MYO10: variants seen among roughly 807,000 people sequenced by gnomAD.
MYO10 encodes unconventional myosin-X.
In MYO10, 133 loss-of-function variants were observed where a neutral mutation model predicts 257.3. The ratio of observed to expected loss-of-function variants is 0.52; its 90% CI spans 0.45 to 0.60. The LOEUF (loss-of-function observed/expected upper bound fraction) is 0.60. Among genes scored for constraint, MYO10 ranks in the 20% least tolerant of loss-of-function variants. MYO10 has a pLI of 0.00. For missense variants in MYO10, 2,399 were observed against 2,635.7 expected (o/e 0.91, Z 1.97); for synonymous variants, 1,104 against 1,028.6 (o/e 1.07, Z -1.40).
At chr5:16,736,646 T>C (rs1739816441) in intron 19 of MYO10, among the ~76,000 whole-genome samples, 1 of 152,224 alleles carries the variant, frequency 6.6e-6, no homozygotes. Flanking sequence ...TAGTCCAATG[T>C]AAACTGACTA....
At chr5:16,724,499 T>TTCCTTTGGACTCTA (rs1739276596) in intron 19 of MYO10, among the ~76,000 whole-genome samples, 1 of 152,100 alleles carries the variant, frequency 6.6e-6, no homozygotes, top group Non-Finnish European at 1.5e-5. Context: ...GAAGCCAGCA[T>TTCCTTTGGACTCTA]AAGGTCCAAG....
chr5:16,750,989 C>CT (rs1369957171), intron 19 of MYO10, among the ~76,000 whole-genome samples: 1 of 152,116 alleles, frequency 6.6e-6, no homozygotes, highest in African/African-American at 2.4e-5. Flanking sequence ...GAGCAAAACT[C>CT]TGTCTCAAAC....
At chr5:16,930,141 A>G (rs1344844025) in intron 1 of MYO10, among the ~76,000 whole-genome samples, 5 of 152,236 alleles carry the variant, frequency 3.3e-5, no homozygotes, top group African/African-American at 9.6e-5. Context: ...TCTAGCTAAC[A>G]GCAGTAAATC....
chr5:16,871,086 C>T (rs187076789), intron 2 of MYO10, among the ~76,000 whole-genome samples: 1 of 152,274 alleles, frequency 6.6e-6, no homozygotes, highest in African/African-American at 2.4e-5. Context: ...GCATGAAGTA[C>T]AATTACAGTG....
intron 1 of MYO10, among the ~76,000 whole-genome samples, chr5:16,910,133 G>A (rs1479629672): frequency 6.6e-6 from 1 of 151,962 alleles, no homozygotes; most frequent in Non-Finnish European, 1.5e-5. Context: ...TTTATTTAGG[G>A]GTATTGAAAT....
In MYO10 at chr5:16,847,021, G is replaced by C. The variant is rs111745262; in HGVS notation, c.121-28854C>G. 6.9e-3 allele frequency among the ~76,000 whole-genome samples: 1,049 copies of C among 152,174 alleles called. 8 individuals are homozygous for C. The highest frequency in any genetic ancestry group is 0.023 in the African/African-American group (973 of 41,504). On this transcript the variant is annotated intron_variant, in intron 2 of 40. Transcript: ENST00000513610. ...TAATCCCAGCTATGCGGGAGGTTACGGCACAAGAATCACTTGAACCCAGAA... is the reference window on the plus strand; with the variant it reads ...TAATCCCAGCTATGCGGGAGGTTACCGCACAAGAATCACTTGAACCCAGAA...
At chr5:16,843,738 T>C (rs1194410140) in intron 2 of MYO10, among the ~76,000 whole-genome samples, 2 of 152,128 alleles carry the variant, frequency 1.3e-5, no homozygotes, top group Admixed American at 1.3e-4. Context: ...ATCAAATATA[T>C]AGTGATGGGT....
chr5:16,671,126 C>A, intron 38 of MYO10, 148 bp from the exon 39 acceptor site: 1 of 813,022 alleles, frequency 1.2e-6, no homozygotes, highest in East Asian at 2.7e-5. Context: ...ACCCCTGGCT[C>A]ACTGCTTTAA....
At chr5:16,766,312 T>C (rs919509428) in intron 10 of MYO10, 114 bp from the exon 11 acceptor site, 18 of 720,824 alleles carry the variant, frequency 2.5e-5, no homozygotes, top group Non-Finnish European at 3.6e-5. Flanking sequence ...AGTTTAGAGA[T>C]TGCATGTTAT....
At chr5:16,893,471 TAAG>T (rs1444874910) in intron 1 of MYO10, among the ~76,000 whole-genome samples, 1 of 151,220 alleles carries the variant, frequency 6.6e-6, no homozygotes, top group East Asian at 2.0e-4. Context: ...CCATCTCTAC[TAAG>T]AATACAAAAA....
chr5:16,774,300 C>A (rs1257960182), intron 9 of MYO10, among the ~76,000 whole-genome samples: 1 of 152,060 alleles, frequency 6.6e-6, no homozygotes, highest in Non-Finnish European at 1.5e-5. Flanking sequence ...GAAGGTACCT[C>A]CAGAAGAAGT....
At chr5:16,753,244 G>A (rs1579951191) in intron 19 of MYO10, among the ~76,000 whole-genome samples, 1 of 151,932 alleles carries the variant, frequency 6.6e-6, no homozygotes, top group East Asian at 1.9e-4. Flanking sequence ...TCAGCTCACT[G>A]CAAGCTCCGC....
intron 19 of MYO10, among the ~76,000 whole-genome samples, chr5:16,754,234 T>C (rs914763976): frequency 2.6e-5 from 4 of 152,152 alleles, no homozygotes; most frequent in Non-Finnish European, 5.9e-5. Context: ...AGTTTCTTTG[T>C]TTAGGTAGCT....
intron 3 of MYO10, among the ~76,000 whole-genome samples, chr5:16,799,922 G>T (rs538966991): frequency 2.0e-5 from 3 of 152,128 alleles, no homozygotes. Context: ...CTGCTAAGCC[G>T]AGTCCCTGCC....
At chr5:16,740,775 G>T (rs762642467) in intron 19 of MYO10, among the ~76,000 whole-genome samples, 10 of 152,046 alleles carry the variant, frequency 6.6e-5, no homozygotes, top group African/African-American at 2.4e-4. Flanking sequence ...GTTTAACGTT[G>T]TAAGAGAGGT....
chr5:16,906,356 C>A (rs957960672), intron 1 of MYO10, among the ~76,000 whole-genome samples: 1 of 152,190 alleles, frequency 6.6e-6, no homozygotes, highest in Non-Finnish European at 1.5e-5. Flanking sequence ...GGCTGCATAA[C>A]CATATCCTGA....
In MYO10 at chr5:16,672,726, G is replaced by T; in HGVS notation, c.5272C>A (p.Arg1758=). Residue 1758 remains arginine, a synonymous_variant, in exon 37 of 41, where the codon CGA becomes AGA. Transcript: ENST00000513610. The stretch of plus-strand genomic sequence containing the variant: ...GCTAAGACATCAGCTACGACGGTTC[G>T]ACTTTCAATGGCTTTGTCGACGTGG... ...NGHVDKAIES[R]TVVADVLAKF... The T allele has an allele frequency of 1.2e-6, 2 of 1,613,960 alleles. No homozygotes were observed. The highest frequency in any genetic ancestry group is 1.7e-6 in the Non-Finnish European group (2 of 1,179,872).
chr5:16,707,282 T>C (rs1414339756), intron 21 of MYO10, among the ~76,000 whole-genome samples: 1 of 152,196 alleles, frequency 6.6e-6, no homozygotes, highest in Non-Finnish European at 1.5e-5. Context: ...AACAGACTAA[T>C]ACAGAAAGTG....
In MYO10 at chr5:16,701,942, T is replaced by C. The variant is rs137951670; in HGVS notation, c.2557-104A>G. ...GAAATATGGTCATTATGAGTTGGAC[T>C]GTGTCCCCATAAAGTCTATAGGTTG... On this transcript the variant is annotated intron_variant, in intron 24 of 40. Coordinates refer to ENST00000513610, the MANE Select transcript of MYO10 (RefSeq NM_012334.3). This position sits in a 1 kb window ranked among gnomAD's most constrained non-coding sequence, Gnocchi z 8.1. The C allele has an allele frequency of 5.6e-4, 744 of 1,325,730 alleles. 6 individuals carry two copies. In the African/African-American group the frequency reaches 9.8e-3, roughly 17 times the overall value. The allele number at this position is 1,325,730 out of a possible 1,614,324, so 82.1% of individuals were successfully genotyped here.
Sources: gnomAD v4.1 joint callset for allele counts (sites outside exome capture counted in the v4.1 genomes callset) on GRCh38, gnomAD v4.1.1 for gene constraint, Gnocchi (gnomAD v3.1) non-coding constraint, MANE v1.5 for transcripts, NCBI Gene and HGNC (gene_info 2026-07-23, HGNC 2026-07-21) for gene names.